The following SYMPK variants were observed in gnomAD, a reference collection of about 807,000 sequenced individuals.
The protein encoded by SYMPK is symplekin scaffold protein, also known as symplekin.
SYMPK carries 49 observed loss-of-function variants against 136.4 expected under a neutral mutation model. The ratio of observed to expected loss-of-function variants is 0.36; its 90% confidence interval spans 0.29 to 0.46. The LOEUF is 0.46. SYMPK is among the 20% of genes least tolerant of loss of function. The probability of loss-of-function intolerance (pLI) is 1.00; values close to 1 mark genes in which losing one functional copy is unlikely to be tolerated. For missense variants in SYMPK, 1,365 were observed against 1,690.0 expected, an observed-to-expected ratio of 0.81 and a Z score of 3.37; for synonymous variants, 766 against 713.0, an observed-to-expected ratio of 1.07 and a Z score of -1.19.
At chr19:45,854,050 A>G in intron 3 of SYMPK, 125 bp downstream of exon 3, 1 of 891,024 alleles carries the variant, frequency 1.1e-6, no homozygotes, top group Non-Finnish European at 1.8e-6. Flanking sequence ...GCCTGCACTG[A>G]GCACTGTGGC....
chr19:45,823,776 T>C lies in SYMPK; in HGVS notation c.2590A>G (p.Thr864Ala), dbSNP rs1313192340. Residue 864 changes from threonine (T) to alanine (A), a missense_variant, in exon 19 of 27, where the codon ACA becomes GCA. Physicochemically the swap from Thr to Ala is moderately conservative, Grantham distance 58. Transcript: ENST00000245934. ...GGGTCTCCAGGGTCACCTTTGTCTG[T>C]GAGGCTGTGCAGACATCTCGTGACC... Reference protein sequence around the residue: ...TLVTRCLHSLTDKVPPSPELV... With the variant: ...TLVTRCLHSLADKVPPSPELV... 6.2e-7 allele frequency: 1 copy of C among 1,612,950 alleles called. No individual in the cohort carries two copies.
intron 16 of SYMPK, 136 bp from the exon 17 acceptor site, chr19:45,826,509 A>T: frequency 1.1e-6 from 1 of 919,748 alleles, no homozygotes; most frequent in South Asian, 1.6e-5. Flanking sequence ...ACCAGGGCCC[A>T]GGGCTGGTCC....
rs756144603 is a variant in SYMPK at position 45,816,134 on chromosome 19, G to A, written c.3404C>T (p.Pro1135Leu). Residue 1135 changes from proline to leucine, a missense_variant, in exon 26 of 27, where the codon CCT becomes CTT. This residue lies in a region of SYMPK where 341 missense variants were observed against 270.5 expected (regional missense o/e 1.26). Coordinates refer to ENST00000245934, the MANE Select transcript of SYMPK (RefSeq NM_004819.3). Reference sequence around the variant, plus strand: ...CAGTCGCAGGCCGATGAGGTCCTGAGGGGGCCGGGGTGCTGGGGCCGGGGC... The same window carrying A: ...CAGTCGCAGGCCGATGAGGTCCTGAAGGGGCCGGGGTGCTGGGGCCGGGGC... ...TLAPAPAPRP[P>L]QDLIGLRLAQ... The A allele has an allele frequency of 6.5e-7, 1 of 1,549,908 alleles. No individual in the cohort carries two copies. The highest frequency in any genetic ancestry group is 8.7e-7 in the Non-Finnish European group (1 of 1,144,822).
chr19:45,856,833 C>T (rs1669867525), intron 1 of SYMPK, among the ~76,000 whole-genome samples: 1 of 151,486 alleles, frequency 6.6e-6, no homozygotes, highest in African/African-American at 2.4e-5. Context: ...CAGAAACAAA[C>T]AGGCCAGGTG....
At chr19:45,854,548 A>C in intron 1 of SYMPK, 41 bp from the exon 2 acceptor site, 1 of 1,547,760 alleles carries the variant, frequency 6.5e-7, no homozygotes, top group Non-Finnish European at 8.9e-7. Context: ...AGCTCAGGGA[A>C]CCAGCGGATG....
Position 45,815,424 on chromosome 19 carries a change from T to A in SYMPK, c.*136A>T. ...CCCGCGCCCCAGGCCCGCCATCCCT[T>A]TTTTTTTTTCTTTTCAGTAACTTGC... On this transcript the variant is annotated 3_prime_UTR_variant, in exon 27 of 27. Coordinates refer to ENST00000245934, the MANE Select transcript of SYMPK (RefSeq NM_004819.3). 5.0e-6 allele frequency: 5 copies of A among 1,000,370 alleles called. No homozygotes were observed. Among genetic ancestry groups the A allele is most frequent in the Non-Finnish European group, 4.2e-6 (3 of 720,108 alleles). 62.0% of individuals were successfully genotyped at this position (1,000,370 alleles called of 1,614,324 possible).
chr19:45,848,663 T>C, intron 6 of SYMPK, 87 bp downstream of exon 6: 1 of 1,575,882 alleles, frequency 6.3e-7, no homozygotes. Flanking sequence ...AAGAGTATGC[T>C]CGGATGCTGG....
intron 23 of SYMPK, among the ~76,000 whole-genome samples, chr19:45,817,417 C>CTTTTTTTTTTTTTTTTTTTTTTT (rs559430104): frequency 1.8e-5 from 2 of 108,480 alleles, no homozygotes; most frequent in African/African-American, 7.1e-5. Context: ...TTTTTGTTCT[C>CTTTTTTTTTTTTTTTTTTTTTTT]TTTTTTTTTT....
rs1263560579 is a variant in SYMPK at position 45,818,970 on chromosome 19, GA to G, written c.2894-825del. 10 of 148,634 alleles carry G rather than the reference GA, an allele frequency of 6.7e-5. No homozygotes were observed. In the East Asian group the frequency reaches 2.0e-3, roughly 30 times the overall value. 9.2% of individuals were successfully genotyped at this position (148,634 alleles called of 1,614,324 possible). ...GCACCCCAACCCCCCAAATCCTTGA[GA>G]GGCTAATGGAGAACAGGGGTGGGGT... is the stretch of plus-strand genomic sequence containing the variant. On this transcript the variant is annotated intron_variant, in intron 22 of 26. Coordinates refer to ENST00000245934, the MANE Select transcript of SYMPK (RefSeq NM_004819.3).
At chr19:45,847,264 T>G (rs2146335651) in intron 7 of SYMPK, among the ~76,000 whole-genome samples, 2 of 151,898 alleles carry the variant, frequency 1.3e-5, no homozygotes, top group Middle Eastern at 6.8e-3. Flanking sequence ...TAAAAATAAT[T>G]TTTAAAAAAA....
chr19:45,824,356 G>A (rs1970986535), intron 18 of SYMPK, among the ~76,000 whole-genome samples: 1 of 152,110 alleles, frequency 6.6e-6, no homozygotes, highest in African/African-American at 2.4e-5. Flanking sequence ...TAACGTTTAC[G>A]CTCCTGACTA....
intron 10 of SYMPK, 24 bp downstream of exon 10, chr19:45,838,437 A>G: frequency 6.3e-7 from 1 of 1,598,876 alleles, no homozygotes; most frequent in Non-Finnish European, 8.6e-7. Flanking sequence ...GCCCAGGGGG[A>G]AAACGCTCCC....
chr19:45,852,410 A>T (rs751854156), intron 4 of SYMPK, 25 bp from the exon 5 acceptor site: 2 of 1,614,170 alleles, frequency 1.2e-6, no homozygotes, highest in Non-Finnish European at 1.7e-6. Context: ...GAGAAAGTGG[A>T]TCAGGGCTAC....
At chr19:45,851,922 T>A (rs1462407811) in intron 5 of SYMPK, among the ~76,000 whole-genome samples, 3 of 151,912 alleles carry the variant, frequency 2.0e-5, no homozygotes, top group Admixed American at 6.6e-5. Flanking sequence ...GCTAATTTTG[T>A]TATATGAATT....
intron 1 of SYMPK, among the ~76,000 whole-genome samples, chr19:45,858,154 CAT>C (rs559266148): frequency 1.1e-3 from 163 of 152,272 alleles, no homozygotes; most frequent in Non-Finnish European, 2.0e-3. Flanking sequence ...AGTAGTATCA[CAT>C]GATAGGGGTC....
Position 45,838,625 on chromosome 19 carries a change from G to C in SYMPK, c.1088-10C>G. The stretch of plus-strand genomic sequence containing the variant: ...TCCCCCAGGTTGGGCTCTGGGATGA[G>C]GGAAAAGAACAAGATGCTGGCTATA... On this transcript the variant is annotated splice_polypyrimidine_tract_variant and intron_variant, in intron 9 of 26. Transcript: ENST00000245934. 1 of 1,612,110 alleles carries C rather than the reference G, an allele frequency of 6.2e-7. No homozygotes were observed. Among genetic ancestry groups the C allele is most frequent in the Non-Finnish European group, 8.5e-7 (1 of 1,178,684 alleles).
chr19:45,823,544 A>G (rs928751759), intron 19 of SYMPK, 72 bp from the exon 20 acceptor site: 3 of 1,435,630 alleles, frequency 2.1e-6, no homozygotes, highest in Non-Finnish European at 2.9e-6. Flanking sequence ...CACCCAGGAA[A>G]GAGAAGCAGG....
Position 45,821,543 on chromosome 19 carries a change from T to TG in SYMPK, c.2792-59dup, listed in dbSNP as rs1261362609. On this transcript the variant is annotated intron_variant, in intron 21 of 26. Transcript: ENST00000245934. The surrounding 1 kb of genome is among the most constrained non-coding windows in gnomAD (Gnocchi z 4.4). The stretch of plus-strand genomic sequence containing the variant: ...CAGTGCGGACGCATAAGTGAAGAGA[T>TG]GGGTCTGAGTTCCCCAGATCGGGGG... 2 of 1,184,636 alleles carry TG rather than the reference T, an allele frequency of 1.7e-6. No individual in the cohort carries two copies. The highest frequency in any genetic ancestry group is 2.5e-6 in the Non-Finnish European group (2 of 805,032). The allele number at this position is 1,184,636 out of a possible 1,614,324, so 73.4% of individuals were successfully genotyped here.
At chr19:45,845,544 G>T (rs577812280) in intron 7 of SYMPK, among the ~76,000 whole-genome samples, 18 of 152,062 alleles carry the variant, frequency 1.2e-4, no homozygotes, top group Non-Finnish European at 1.9e-4. Context: ...CTTTTTTATG[G>T]CTGAATAGTA....
Sources: gnomAD v4.1 joint callset for allele counts (sites outside exome capture counted in the v4.1 genomes callset) on GRCh38, gnomAD v4.1.1 for gene constraint, gnomAD v4.1.1 regional missense constraint, Gnocchi (gnomAD v3.1) non-coding constraint, MANE v1.5 for transcripts, NCBI Gene and HGNC (gene_info 2026-07-23, HGNC 2026-07-21) for gene names.